The following SNRPG variants were observed in gnomAD, a reference collection of about 807,000 sequenced individuals.
SNRPG encodes the protein small nuclear ribonucleoprotein G.
SNRPG carries 3 observed loss-of-function variants against 13.9 expected under a neutral mutation model. The ratio of observed to expected loss-of-function variants is 0.22; its 90% confidence interval spans 0.10 to 0.56. The LOEUF is 0.56. SNRPG is among the 20% of genes least tolerant of loss of function. The probability of loss-of-function intolerance (pLI) is 0.93; values close to 1 mark genes in which losing one functional copy is unlikely to be tolerated. For missense variants in SNRPG, 34 were observed against 96.1 expected (o/e 0.35, Z 2.70); for synonymous variants, 29 against 29.3 (o/e 0.99, Z 0.03).
chr2:70,293,172 A>G (rs757227988), intron 1 of SNRPG: 4 of 702,456 alleles, frequency 5.7e-6, no homozygotes, highest in Non-Finnish European at 1.0e-5. Flanking sequence ...TGCTAAGACT[A>G]AAGTGGCTTT....
intron 1 of SNRPG, chr2:70,293,301 G>T (rs1697151421): frequency 4.4e-6 from 3 of 676,652 alleles, no homozygotes; most frequent in Non-Finnish European, 8.1e-6. Context: ...TATTCGAGAT[G>T]TTCAACAAAA....
intron 3 of SNRPG, chr2:70,287,834 T>C (rs2104917664): frequency 3.7e-6 from 2 of 537,062 alleles, no homozygotes; most frequent in East Asian, 6.4e-5. Flanking sequence ...TCAAAAAGGA[T>C]TTCCAACAGC....
intron 2 of SNRPG, among the ~76,000 whole-genome samples, chr2:70,289,048 T>C (rs1314828309): frequency 6.6e-6 from 1 of 152,170 alleles, no homozygotes; most frequent in Non-Finnish European, 1.5e-5. Flanking sequence ...CCTCCTGGGT[T>C]CATGCCATTC....
chr2:70,289,447 T>C (rs1697024716), intron 1 of SNRPG, 75 bp from the exon 2 acceptor site: 4 of 738,220 alleles, frequency 5.4e-6, no homozygotes, highest in Non-Finnish European at 9.1e-6. Context: ...TAGGTATAGT[T>C]AAGATAATTT....
At chr2:70,283,950 C>T (rs574077889) in intron 3 of SNRPG, among the ~76,000 whole-genome samples, 8 of 152,108 alleles carry the variant, frequency 5.3e-5, no homozygotes, top group Non-Finnish European at 1.2e-4. Context: ...TCCAGCTACT[C>T]GGGAGGCTGA....
At chr2:70,287,511 T>C in intron 3 of SNRPG, 1 of 561,322 alleles carries the variant, frequency 1.8e-6, no homozygotes, top group Non-Finnish European at 3.1e-6. Context: ...GCTTTTTCTC[T>C]CATGTGAATA....
At chr2:70,289,174 T>C (rs1364942312) in intron 2 of SNRPG, among the ~76,000 whole-genome samples, 176 bp downstream of exon 2, 1 of 152,054 alleles carries the variant, frequency 6.6e-6, no homozygotes, top group Non-Finnish European at 1.5e-5. Context: ...AGGATGGTCT[T>C]GATCTCCTGA....
intron 1 of SNRPG, among the ~76,000 whole-genome samples, chr2:70,290,004 CTT>C (rs56861344): frequency 3.1e-4 from 40 of 130,786 alleles, no homozygotes; most frequent in South Asian, 2.5e-4. Flanking sequence ...AAATTTCTTT[CTT>C]TTTTTTTTTT....
intron 3 of SNRPG, among the ~76,000 whole-genome samples, chr2:70,284,877 A>T (rs1226733786): frequency 1.3e-5 from 2 of 152,236 alleles, no homozygotes; most frequent in Non-Finnish European, 2.9e-5. Context: ...TGGTCCAAAA[A>T]CATTAAATGC....
intron 3 of SNRPG, among the ~76,000 whole-genome samples, chr2:70,284,957 T>C (rs961909554): frequency 7.2e-5 from 11 of 152,216 alleles, no homozygotes; most frequent in African/African-American, 2.7e-4. Context: ...TGATACCTCA[T>C]ACTGTCCCTG....
chr2:70,291,381 A>G (rs1042212418), intron 1 of SNRPG: 3 of 152,226 alleles, frequency 2.0e-5, no homozygotes, highest in Non-Finnish European at 1.5e-5. Context: ...CACTGGCAAG[A>G]CTACCGTGGC....
chr2:70,290,823 T>TA (rs57720967), intron 1 of SNRPG, among the ~76,000 whole-genome samples: 683 of 25,270 alleles, frequency 0.027, 111 homozygotes, highest in East Asian at 0.033. Flanking sequence ...CCGTCTCTAC[T>TA]AAAAAAAAAA....
chr2:70,288,208 AAAG>A lies in SNRPG; in HGVS notation c.56-19_56-17del. On this transcript the variant is annotated splice_polypyrimidine_tract_variant and intron_variant, in intron 2 of 3. Coordinates refer to ENST00000272348, the MANE Select transcript of SNRPG (RefSeq NM_003096.4). ...TTTAATTTCACTATTAAAAAGAGAA[AAAG>A]AAGTTTTAGAAAAACATTCCATTAG... 1 of 1,609,738 alleles carries A rather than the reference AAAG, an allele frequency of 6.2e-7. No individual in the cohort carries two copies.
intron 2 of SNRPG, 108 bp downstream of exon 2, chr2:70,289,242 C>T (rs1697018410): frequency 1.1e-5 from 7 of 651,560 alleles, no homozygotes; most frequent in South Asian, 6.9e-5. Context: ...CGTGAGCCAT[C>T]GCGCCTGGCT....
intron 1 of SNRPG, chr2:70,291,135 T>C (rs1333381426): frequency 1.3e-5 from 2 of 152,140 alleles, no homozygotes; most frequent in African/African-American, 4.8e-5. Flanking sequence ...ATACAATCTT[T>C]ACAACGACTT....
At chr2:70,281,731 A>ATT in intron 3 of SNRPG, 47 bp from the exon 4 acceptor site, 1 of 986,720 alleles carries the variant, frequency 1.0e-6, no homozygotes, top group East Asian at 2.4e-5. Context: ...CAGGTAACAG[A>ATT]CATAACTATG....
At chr2:70,293,016 G>T (rs753324642) in intron 1 of SNRPG, 2 of 619,658 alleles carry the variant, frequency 3.2e-6, no homozygotes, top group East Asian at 5.5e-5. Context: ...AAAAATTAAT[G>T]TTCTTAAAAA....
chr2:70,287,144 A>G, intron 3 of SNRPG: 1 of 589,012 alleles, frequency 1.7e-6, no homozygotes, highest in Non-Finnish European at 3.0e-6. Context: ...AAACCTTGGA[A>G]AGAATGGTAT....
chr2:70,288,826 G>A (rs1375962149), intron 2 of SNRPG, among the ~76,000 whole-genome samples: 1 of 151,834 alleles, frequency 6.6e-6, no homozygotes, highest in Non-Finnish European at 1.5e-5. Flanking sequence ...AGTGAGGAAG[G>A]GCTTACATAA....
Sources: gnomAD v4.1 joint callset for allele counts (sites outside exome capture counted in the v4.1 genomes callset) on GRCh38, gnomAD v4.1.1 for gene constraint, MANE v1.5 for transcripts, NCBI Gene and HGNC (gene_info 2026-07-23, HGNC 2026-07-21) for gene names.